Variants in KCNH8 observed in about 807,000 individuals in gnomAD.
The protein encoded by KCNH8 is voltage-gated delayed rectifier potassium channel KCNH8.
Under a neutral mutation model 103.6 loss-of-function variants are expected in KCNH8, and 70 were observed. The ratio of observed to expected loss-of-function variants is 0.68; its 90% CI spans 0.56 to 0.82. The LOEUF (loss-of-function observed/expected upper bound fraction) is 0.82, where lower values mean the gene tolerates loss of function less well. KCNH8 is among the 40% of genes least tolerant of loss of function. KCNH8 has a pLI of 0.00. For missense variants in KCNH8, 1,217 were observed against 1,329.9 expected (o/e 0.92, Z 1.32); for synonymous variants, 498 against 489.4 (o/e 1.02, Z -0.23).
At chr3:19,155,619 C>G (rs1261092141) in intron 1 of KCNH8, among the ~76,000 whole-genome samples, 1 of 152,206 alleles carries the variant, frequency 6.6e-6, no homozygotes, top group African/African-American at 2.4e-5. Context: ...CAACCACTGT[C>G]TCCCAGGCTA....
intron 1 of KCNH8, among the ~76,000 whole-genome samples, chr3:19,193,060 C>T (rs1487323034): frequency 1.3e-5 from 2 of 151,600 alleles, no homozygotes; most frequent in African/African-American, 4.8e-5. Flanking sequence ...TATTTTAAAA[C>T]ATTAGTAATG....
At chr3:19,165,969 A>G (rs2063279109) in intron 1 of KCNH8, among the ~76,000 whole-genome samples, 1 of 152,098 alleles carries the variant, frequency 6.6e-6, no homozygotes, top group Non-Finnish European at 1.5e-5. Context: ...AACACAAATG[A>G]TTTTCAAGAC....
At chr3:19,159,627 G>A (rs577383072) in intron 1 of KCNH8, among the ~76,000 whole-genome samples, 62 of 152,172 alleles carry the variant, frequency 4.1e-4, no homozygotes, top group Non-Finnish European at 7.2e-4. Flanking sequence ...TGTCTCAAAC[G>A]TTTGTGTAGT....
chr3:19,319,068 T>C (rs913724884), intron 3 of KCNH8, among the ~76,000 whole-genome samples: 4 of 152,078 alleles, frequency 2.6e-5, no homozygotes, highest in Non-Finnish European at 5.9e-5. Flanking sequence ...ATATTAGTAC[T>C]TTGTCAGATG....
chr3:19,314,619 T>C (rs1006694058), intron 3 of KCNH8, among the ~76,000 whole-genome samples: 6 of 151,864 alleles, frequency 4.0e-5, no homozygotes, highest in Admixed American at 6.6e-5. Context: ...CCCACAGTAC[T>C]TAACTCACCC....
Position 19,533,645 on chromosome 3 carries a change from A to C in KCNH8, c.2870A>C (p.Asp957Ala). 6.2e-7 allele frequency: 1 copy of C among 1,614,134 alleles called. No individual in the cohort carries two copies. Among genetic ancestry groups the C allele is most frequent in the African/African-American group, 1.3e-5 (1 of 75,034 alleles). The change falls in exon 16 of 16, where the codon GAC becomes GCC. Residue 957 changes from aspartate to alanine, a missense_variant. This residue lies in a region of KCNH8 where 558 missense variants were observed against 495.8 expected (regional missense o/e 1.13). Coordinates refer to ENST00000328405, the MANE Select transcript of KCNH8 (RefSeq NM_144633.3). ...AQLCSSNITS[D>A]IWSVDPSSVG... ...CTTTGTAGCAGTAATATCACCTCAG[A>C]CATTTGGAGTGTGGATCCCTCCTCT...
chr3:19,206,009 A>G (rs912730392), intron 1 of KCNH8, among the ~76,000 whole-genome samples: 6 of 151,490 alleles, frequency 4.0e-5, no homozygotes, highest in Non-Finnish European at 7.4e-5. Context: ...TATCATTCTT[A>G]TGCCTTTGCA....
intron 6 of KCNH8, 35 bp from the exon 7 acceptor site, chr3:19,395,069 T>C (rs2066494318): frequency 6.7e-7 from 1 of 1,485,032 alleles, no homozygotes; most frequent in Admixed American, 1.7e-5. Context: ...ATTTAACACA[T>C]GCACCAAGTT....
In KCNH8 at chr3:19,197,613, T is replaced by C. The variant is rs113683754; in HGVS notation, c.76+48818T>C. ...ACTTCCTGGCTTCAAATCCCAACTT[T>C]GCCACTTCCTTTCTCTACAACCTTG... On this transcript the variant is annotated intron_variant, in intron 1 of 15. Coordinates refer to ENST00000328405, the MANE Select transcript of KCNH8 (RefSeq NM_144633.3). 2.5e-3 allele frequency among the ~76,000 whole-genome samples: 383 copies of C among 152,022 alleles called. 5 individuals carry two copies. The highest frequency in any genetic ancestry group is 8.4e-3 in the African/African-American group (349 of 41,494).
intron 7 of KCNH8, among the ~76,000 whole-genome samples, chr3:19,418,869 G>T (rs543594935): frequency 6.6e-6 from 1 of 152,270 alleles, no homozygotes; most frequent in South Asian, 2.1e-4. Context: ...TTAGGTAAAG[G>T]TCTCATGCTC....
intron 1 of KCNH8, among the ~76,000 whole-genome samples, chr3:19,179,957 C>T (rs769058700): frequency 3.2e-4 from 49 of 151,960 alleles, no homozygotes; most frequent in Non-Finnish European, 4.0e-4. Context: ...GGTTTTCTGA[C>T]GTAAGACTGA....
intron 1 of KCNH8, among the ~76,000 whole-genome samples, chr3:19,218,254 AGTTTGT>A (rs1310650665): frequency 6.6e-6 from 1 of 152,184 alleles, no homozygotes; most frequent in East Asian, 1.9e-4. Context: ...TTTTTCAACT[AGTTTGT>A]GTTTGGTTTT....
chr3:19,504,430 A>G (rs1162685263), intron 11 of KCNH8, among the ~76,000 whole-genome samples: 1 of 152,212 alleles, frequency 6.6e-6, no homozygotes, highest in East Asian at 1.9e-4. Context: ...CAAACCTTGC[A>G]TCTAACAAAG....
chr3:19,285,495 A>T (rs964965151), intron 3 of KCNH8, among the ~76,000 whole-genome samples: 1 of 152,200 alleles, frequency 6.6e-6, no homozygotes, highest in Admixed American at 6.5e-5. Flanking sequence ...AGCACAGGGC[A>T]TATAGAATAT....
intron 1 of KCNH8, among the ~76,000 whole-genome samples, chr3:19,177,384 A>G (rs1007248199): frequency 6.6e-6 from 1 of 152,120 alleles, no homozygotes; most frequent in Non-Finnish European, 1.5e-5. Flanking sequence ...TAAGGCACCC[A>G]GAAGTAATGA....
At chr3:19,220,319 G>C (rs766238839) in intron 1 of KCNH8, among the ~76,000 whole-genome samples, 5 of 152,182 alleles carry the variant, frequency 3.3e-5, no homozygotes, top group African/African-American at 1.2e-4. Flanking sequence ...TCACCACCCA[G>C]CTACCTGGGT....
intron 11 of KCNH8, among the ~76,000 whole-genome samples, chr3:19,465,834 G>C (rs2067723524): frequency 6.6e-6 from 1 of 151,960 alleles, no homozygotes; most frequent in Non-Finnish European, 1.5e-5. Flanking sequence ...GGTGGAGATA[G>C]CAAAAGAATT....
intron 1 of KCNH8, among the ~76,000 whole-genome samples, chr3:19,220,991 T>A (rs887688467): frequency 1.3e-5 from 2 of 152,150 alleles, no homozygotes; most frequent in Non-Finnish European, 2.9e-5. Flanking sequence ...GTTTGTAAAA[T>A]TTTCAAAAGG....
intron 5 of KCNH8, among the ~76,000 whole-genome samples, chr3:19,369,737 T>C (rs750984067): frequency 2.0e-5 from 3 of 151,908 alleles, no homozygotes; most frequent in Non-Finnish European, 4.4e-5. Context: ...AAGTCATAAG[T>C]TTAGGGCCCT....
Sources: allele counts gnomAD v4.1 joint callset (sites outside exome capture counted in the v4.1 genomes callset), GRCh38; gene constraint gnomAD v4.1.1; regional missense constraint gnomAD v4.1.1; transcripts MANE v1.5; gene names NCBI Gene and HGNC (gene_info 2026-07-23, HGNC 2026-07-21).